GPATCH8: variants seen among roughly 807,000 people sequenced by gnomAD.
GPATCH8 encodes the protein G patch domain-containing protein 8.
Under a neutral mutation model 118.3 loss-of-function variants are expected in GPATCH8, and 18 were observed. That is an observed-to-expected ratio of 0.15 (90% CI 0.11 to 0.23). The LOEUF (loss-of-function observed/expected upper bound fraction) is 0.23. GPATCH8 is among the 10% of genes least tolerant of loss of function. The probability of loss-of-function intolerance (pLI) is 1.00; values close to 1 mark genes in which losing one functional copy is unlikely to be tolerated. For synonymous variants in GPATCH8, 659 were observed against 684.7 expected, an observed-to-expected ratio of 0.96 and a Z score of 0.59; for missense variants, 1,631 against 1,873.8, an observed-to-expected ratio of 0.87 and a Z score of 2.39.
intron 3 of GPATCH8, among the ~76,000 whole-genome samples, chr17:44,460,971 TAAAC>T (rs2051522006): frequency 6.6e-6 from 1 of 152,174 alleles, no homozygotes; most frequent in African/African-American, 2.4e-5. Flanking sequence ...CACTAGGAAG[TAAAC>T]AGTCAGTTAT....
chr17:44,397,739 G>A lies in GPATCH8; in HGVS notation c.4338C>T (p.Ala1446=), dbSNP rs765809172. 5.6e-6 allele frequency: 9 copies of A among 1,593,432 alleles called. No homozygotes were observed. In the Admixed American group the frequency reaches 1.0e-4, roughly 18 times the overall value. ...GAAAGGTGAAGGGCCCAGGATGGAT[G>A]GCTGAGGCGGGAATGATGTGGATGG... ...SHPIHIIPAS[A]IHPGPFTFHP... is the part of the protein sequence containing the mutation. The change falls in exon 8 of 8, where the codon GCC becomes GCT. Residue 1446 remains alanine, a synonymous_variant. Coordinates refer to ENST00000591680, the MANE Select transcript of GPATCH8 (RefSeq NM_001002909.4).
chr17:44,414,091 ATATATATATGTGTG>A (rs2049563524), intron 6 of GPATCH8, among the ~76,000 whole-genome samples: 1 of 129,384 alleles, frequency 7.7e-6, no homozygotes. Context: ...GTGTGTGTAT[ATATATATATGTGTG>A]TATATATATA....
chr17:44,476,378 G>A (rs906090623), intron 1 of GPATCH8, among the ~76,000 whole-genome samples: 20 of 152,050 alleles, frequency 1.3e-4, no homozygotes, highest in African/African-American at 4.6e-4. Flanking sequence ...CTAATTTTTT[G>A]TATTTTAGTA....
At chr17:44,460,063 T>C (rs2051487124) in intron 3 of GPATCH8, among the ~76,000 whole-genome samples, 2 of 152,218 alleles carry the variant, frequency 1.3e-5, no homozygotes, top group African/African-American at 4.8e-5. Context: ...TAAATGTATT[T>C]CACAGAAAAA....
At chr17:44,482,773 T>C (rs1333361278) in intron 1 of GPATCH8, among the ~76,000 whole-genome samples, 4 of 151,916 alleles carry the variant, frequency 2.6e-5, no homozygotes, top group African/African-American at 9.7e-5. Flanking sequence ...TCAATACTAC[T>C]GCATGTTAAT....
chr17:44,444,254 T>A (rs1247128363), intron 3 of GPATCH8, among the ~76,000 whole-genome samples: 3 of 145,428 alleles, frequency 2.1e-5, no homozygotes, highest in Non-Finnish European at 4.5e-5. Context: ...TACTTTCAAT[T>A]AAAAAAAAAA....
chr17:44,398,566 C>T lies in GPATCH8; in HGVS notation c.3511G>A (p.Glu1171Lys). Residue 1171 changes from glutamate (E) to lysine (K), a missense_variant, in exon 8 of 8, where the codon GAG becomes AAG. Coordinates refer to ENST00000591680, the MANE Select transcript of GPATCH8 (RefSeq NM_001002909.4). ...CEESGLERGE[E>K]QEQSETEEGP... is the part of the protein sequence containing the mutation. ...TCTTCTGTCTCTGACTGTTCTTGCT[C>T]TTCCCCCCTTTCCAAGCCAGACTCT... 3.2e-6 allele frequency: 5 copies of T among 1,571,308 alleles called. No homozygotes were observed. The highest frequency in any genetic ancestry group is 4.3e-6 in the Non-Finnish European group (5 of 1,163,194).
At chr17:44,413,558 T>C (rs2049529401) in intron 6 of GPATCH8, among the ~76,000 whole-genome samples, 3 of 152,178 alleles carry the variant, frequency 2.0e-5, no homozygotes, top group Non-Finnish European at 2.9e-5. Flanking sequence ...CTTGGCTCAC[T>C]GCAACCTCCC....
chr17:44,451,048 TA>T (rs1222033290), intron 3 of GPATCH8, among the ~76,000 whole-genome samples: 3 of 152,158 alleles, frequency 2.0e-5, no homozygotes, highest in African/African-American at 7.2e-5. Context: ...CTATTAGAAA[TA>T]AACCTCTGGA....
Position 44,428,052 on chromosome 17 carries a change from C to T in GPATCH8, c.349-3560G>A, listed in dbSNP as rs566476759. On this transcript the variant is annotated intron_variant, in intron 5 of 7. Transcript: ENST00000591680. ...ATTCCAGCACTTTGGGAGGCCGAGG[C>T]AGGCGGATTACCTGAGCTCAAGAGT... 1.0e-3 allele frequency among the ~76,000 whole-genome samples: 151 copies of T among 151,240 alleles called. 1 individual carries two copies. The highest frequency in any genetic ancestry group is 1.8e-3 in the Non-Finnish European group (125 of 67,596).
intron 6 of GPATCH8, among the ~76,000 whole-genome samples, chr17:44,420,626 G>A (rs2049863277): frequency 6.6e-6 from 1 of 152,176 alleles, no homozygotes; most frequent in Non-Finnish European, 1.5e-5. Context: ...AGTGGTGGGA[G>A]AGCTGAGGTA....
chr17:44,434,982 G>A (rs1320808462), intron 5 of GPATCH8, 83 bp downstream of exon 5: 10 of 770,672 alleles, frequency 1.3e-5, no homozygotes, highest in Non-Finnish European at 2.2e-5. Context: ...GTTAGCAACA[G>A]TGATGATTTT....
At chr17:44,495,567 A>G (rs1969603604) in intron 1 of GPATCH8, among the ~76,000 whole-genome samples, 1 of 152,262 alleles carries the variant, frequency 6.6e-6, no homozygotes, top group Non-Finnish European at 1.5e-5. Context: ...CTACCCGCAC[A>G]GAAATACTTA....
chr17:44,445,138 T>C (rs1470426112), intron 3 of GPATCH8, among the ~76,000 whole-genome samples: 17 of 152,186 alleles, frequency 1.1e-4, no homozygotes. Flanking sequence ...GCTTGTTCAA[T>C]TTCATTTCTT....
At chr17:44,496,687 G>C (rs965550017) in intron 1 of GPATCH8, among the ~76,000 whole-genome samples, 1 of 152,170 alleles carries the variant, frequency 6.6e-6, no homozygotes, top group Non-Finnish European at 1.5e-5. Flanking sequence ...CTAAATAACA[G>C]TTACGTGCTA....
intron 4 of GPATCH8, among the ~76,000 whole-genome samples, chr17:44,435,577 C>T (rs972690370): frequency 4.0e-4 from 60 of 150,292 alleles, no homozygotes; most frequent in Admixed American, 2.2e-3. Flanking sequence ...CAATGCCCTG[C>T]TAATTTTTTT....
intron 2 of GPATCH8, among the ~76,000 whole-genome samples, chr17:44,472,214 A>G (rs1417935507): frequency 6.6e-6 from 1 of 152,168 alleles, no homozygotes; most frequent in Non-Finnish European, 1.5e-5. Context: ...CCTGAGTACT[A>G]TATACTATTT....
chr17:44,462,087 A>T (rs1205572732), intron 3 of GPATCH8, among the ~76,000 whole-genome samples: 2 of 152,054 alleles, frequency 1.3e-5, no homozygotes, highest in African/African-American at 4.8e-5. Context: ...TCTTAAACAC[A>T]TTATCTATCT....
intron 3 of GPATCH8, among the ~76,000 whole-genome samples, chr17:44,454,132 T>G (rs2051239007): frequency 6.6e-6 from 1 of 152,190 alleles, no homozygotes; most frequent in South Asian, 2.1e-4. Flanking sequence ...ATTCTTCTTT[T>G]GAACACTTAC....
Sources: allele counts gnomAD v4.1 joint callset (sites outside exome capture counted in the v4.1 genomes callset), GRCh38; gene constraint gnomAD v4.1.1; transcripts MANE v1.5; gene names NCBI Gene and HGNC (gene_info 2026-07-23, HGNC 2026-07-21).